PPP4R4: variants seen among roughly 807,000 people sequenced by gnomAD.
The protein encoded by PPP4R4 is serine/threonine-protein phosphatase 4 regulatory subunit 4.
Under a neutral mutation model 121.8 loss-of-function variants are expected in PPP4R4, and 70 were observed. The ratio of observed to expected loss-of-function variants is 0.57; its 90% confidence interval spans 0.47 to 0.70. The LOEUF (loss-of-function observed/expected upper bound fraction) is 0.70, where lower values mean the gene tolerates loss of function less well. Among genes scored for constraint, PPP4R4 ranks in the 30% least tolerant of loss-of-function variants. The pLI is 0.00. For synonymous variants in PPP4R4, 348 were observed against 355.7 expected (o/e 0.98, Z 0.24); for missense variants, 875 against 1,033.6 (o/e 0.85, Z 2.10).
At chr14:94,271,587 G>A (rs1304857836) in intron 23 of PPP4R4, among the ~76,000 whole-genome samples, 3 of 152,160 alleles carry the variant, frequency 2.0e-5, no homozygotes. Flanking sequence ...TTCCCTCTAA[G>A]ATCAGGAACA....
chr14:94,222,119 TC>T (rs1239264330), intron 3 of PPP4R4, among the ~76,000 whole-genome samples: 1 of 152,058 alleles, frequency 6.6e-6, no homozygotes, highest in Admixed American at 6.5e-5. Context: ...TTTAATCCAA[TC>T]TCACACTGTA....
In PPP4R4 at chr14:94,270,165, A is replaced by G. The variant is rs1446444945; in HGVS notation, c.2449+3136A>G. ...GTATCTTCAAAAACACTAAGTGCTC[A>G]GGGACAAATTTAACAAAATATGCTA... On this transcript the variant is annotated intron_variant, in intron 23 of 24. Coordinates refer to ENST00000304338, the MANE Select transcript of PPP4R4 (RefSeq NM_058237.2). Among the ~76,000 whole-genome samples, 15 of 152,222 alleles carry G rather than the reference A, an allele frequency of 9.9e-5. 1 individual carries two copies. Among genetic ancestry groups the G allele is most frequent in the Admixed American group, 9.8e-4 (15 of 15,290 alleles).
At chr14:94,241,723 G>A in intron 9 of PPP4R4, 65 bp from the exon 10 acceptor site, 1 of 1,256,272 alleles carries the variant, frequency 8.0e-7, no homozygotes, top group South Asian at 1.5e-5. Flanking sequence ...ATTGTACTTT[G>A]ATTTTCCCTT....
rs1029146810 is a variant in PPP4R4 at position 94,230,590 on chromosome 14, G to A, written c.298G>A (p.Ala100Thr). 2 of 1,609,620 alleles carry A rather than the reference G, an allele frequency of 1.2e-6. No individual in the cohort carries two copies. The highest frequency in any genetic ancestry group is 2.7e-5 in the African/African-American group (2 of 74,798). The change falls in exon 4 of 25, where the codon GCC (alanine) becomes ACC (threonine). Residue 100 changes from alanine (A) to threonine (T), a missense_variant. Ala to Thr is a moderately conservative substitution (Grantham distance 58). Coordinates refer to ENST00000304338, the MANE Select transcript of PPP4R4 (RefSeq NM_058237.2). ...LRRVLPKVRE[A>T]LHVAGVEMQL... ...CAAACTCTTTCTGATTATACAGGAA[G>A]CCCTGCATGTTGCAGGAGTGGAAAT...
chr14:94,263,473 A>G (rs952868691), intron 19 of PPP4R4, among the ~76,000 whole-genome samples: 6 of 152,072 alleles, frequency 3.9e-5, no homozygotes, highest in Non-Finnish European at 8.8e-5. Context: ...TGGTTCTTTT[A>G]GTGTTTTCTA....
intron 2 of PPP4R4, among the ~76,000 whole-genome samples, chr14:94,197,654 G>A (rs1360262241): frequency 6.6e-6 from 1 of 152,094 alleles, no homozygotes; most frequent in Non-Finnish European, 1.5e-5. Context: ...CCCTCACCAT[G>A]ATCAAGATAA....
At chr14:94,197,899 A>G (rs1402465058) in intron 2 of PPP4R4, among the ~76,000 whole-genome samples, 3 of 152,156 alleles carry the variant, frequency 2.0e-5, no homozygotes, top group Non-Finnish European at 4.4e-5. Context: ...TTTTATTGCT[A>G]TATGGATATA....
At chr14:94,255,103 C>G (rs1306858637) in intron 16 of PPP4R4, among the ~76,000 whole-genome samples, 1 of 152,226 alleles carries the variant, frequency 6.6e-6, no homozygotes, top group Non-Finnish European at 1.5e-5. Flanking sequence ...ACTTGCATTT[C>G]CATTGCATAT....
At chr14:94,267,510 G>A (rs1447365039) in intron 23 of PPP4R4, among the ~76,000 whole-genome samples, 1 of 152,160 alleles carries the variant, frequency 6.6e-6, no homozygotes, top group Non-Finnish European at 1.5e-5. Context: ...CTGAGTAAAA[G>A]CAGCTATAGA....
rs764691257 is a variant in PPP4R4, at chr14:94,246,457, ATGCC to A, written c.1538_1541del (p.Leu513HisfsTer21). ...ACTCATGAGAAGCTACTTCAGAAAT[ATGCC>A]TGCCTGCCACATGTCATATCAAGCG... is the stretch of plus-strand genomic sequence containing the variant. On this transcript the variant is annotated frameshift_variant, in exon 14 of 25. Transcript: ENST00000304338. LOFTEE classifies it high-confidence loss of function. The A allele has an allele frequency of 6.2e-7, 1 of 1,614,140 alleles. No individual in the cohort carries two copies. The highest frequency in any genetic ancestry group is 8.5e-7 in the Non-Finnish European group (1 of 1,179,978).
chr14:94,275,497 A>G lies in PPP4R4; in HGVS notation c.2573A>G (p.Asp858Gly), dbSNP rs1321357286. Residue 858 changes from aspartate (D) to glycine (G), a missense_variant, in exon 24 of 25, where the codon GAT (aspartate) becomes GGT (glycine). Asp to Gly is a moderately conservative substitution (Grantham distance 94). Coordinates refer to ENST00000304338, the MANE Select transcript of PPP4R4 (RefSeq NM_058237.2). Reference sequence around the variant, plus strand: ...GACCCCAAGAGCAGTGGAAGTAAAGATACACAACCACGGAAGGCTACCTTG... The same window carrying G: ...GACCCCAAGAGCAGTGGAAGTAAAGGTACACAACCACGGAAGGCTACCTTG... ...SVDPKSSGSK[D>G]TQPRKATLKS... The G allele has an allele frequency of 1.2e-6, 2 of 1,613,982 alleles. No individual in the cohort carries two copies. Among genetic ancestry groups the G allele is most frequent in the Non-Finnish European group, 1.7e-6 (2 of 1,179,984 alleles).
rs780773733 is a variant in PPP4R4, at chr14:94,256,803, C to A, written c.2010+199C>A. ...TTTCGAAGGGCACCTAGACATTAAACCTGTATTACTAGTAATATAAGCCCA... is the reference window on the plus strand; with the variant it reads ...TTTCGAAGGGCACCTAGACATTAAAACTGTATTACTAGTAATATAAGCCCA... On this transcript the variant is annotated intron_variant, in intron 17 of 24. Coordinates refer to ENST00000304338, the MANE Select transcript of PPP4R4 (RefSeq NM_058237.2). Among the ~76,000 whole-genome samples, 3 of 152,240 alleles carry A rather than the reference C, an allele frequency of 2.0e-5. No individual in the cohort carries two copies. In the East Asian group the frequency reaches 5.8e-4, roughly 29 times the overall value.
intron 13 of PPP4R4, 29 bp downstream of exon 13, chr14:94,245,699 A>T (rs753140337): frequency 1.4e-6 from 2 of 1,475,424 alleles, no homozygotes; most frequent in South Asian, 2.4e-5. Context: ...AAACATTCTG[A>T]GTTGTGTAAA....
At chr14:94,277,255 T>C (rs1403095075) in intron 24 of PPP4R4, among the ~76,000 whole-genome samples, 2 of 152,078 alleles carry the variant, frequency 1.3e-5, no homozygotes, top group African/African-American at 4.8e-5. Context: ...GAGCTGAGAT[T>C]GCGCCACTGC....
intron 3 of PPP4R4, among the ~76,000 whole-genome samples, chr14:94,228,945 T>C (rs1891868067): frequency 6.6e-6 from 1 of 152,030 alleles, no homozygotes. Flanking sequence ...AAGGCCTCAT[T>C]GACAAGGTGG....
intron 2 of PPP4R4, among the ~76,000 whole-genome samples, chr14:94,182,060 T>G (rs928782359): frequency 2.0e-5 from 3 of 152,122 alleles, no homozygotes; most frequent in African/African-American, 7.2e-5. Context: ...TTGTCACATC[T>G]CAAACACCTT....
At chr14:94,205,116 T>C (rs1890391971) in intron 2 of PPP4R4, among the ~76,000 whole-genome samples, 1 of 152,184 alleles carries the variant, frequency 6.6e-6, no homozygotes, top group Non-Finnish European at 1.5e-5. Flanking sequence ...CTGGAAGAGA[T>C]TGTGTAGAAT....
chr14:94,275,689 A>G (rs748528931), intron 24 of PPP4R4, among the ~76,000 whole-genome samples, 168 bp downstream of exon 24: 7 of 152,236 alleles, frequency 4.6e-5, no homozygotes, highest in Non-Finnish European at 8.8e-5. Context: ...GTTAGTTTAT[A>G]TAGAATAACT....
At chr14:94,237,745 T>C in intron 8 of PPP4R4, 59 bp downstream of exon 8, 1 of 1,555,334 alleles carries the variant, frequency 6.4e-7, no homozygotes, top group Non-Finnish European at 8.8e-7. Context: ...ATGTTTTATG[T>C]CACTAATAAG....
Sources: allele counts gnomAD v4.1 joint callset (sites outside exome capture counted in the v4.1 genomes callset), GRCh38; gene constraint gnomAD v4.1.1; transcripts MANE v1.5; gene names NCBI Gene and HGNC (gene_info 2026-07-23, HGNC 2026-07-21).